The following CERT1 variants were observed in gnomAD, a reference collection of about 807,000 sequenced individuals.
CERT1 encodes the protein ceramide transfer protein.
A neutral mutation model predicts 87.9 loss-of-function variants in CERT1; 31 were observed. That is an observed-to-expected ratio of 0.35 (90% CI 0.27 to 0.48). The LOEUF (loss-of-function observed/expected upper bound fraction) is 0.48. Ranked by LOEUF, CERT1 falls within the 20% of genes least tolerant of loss-of-function variation. The pLI, the probability that CERT1 is intolerant of heterozygous loss-of-function variation, is 0.99. For synonymous variants in CERT1, 289 were observed against 250.9 expected (o/e 1.15, Z -1.44); for missense variants, 487 against 758.0 (o/e 0.64, Z 4.20).
At chr5:75,449,972 A>G (rs1375107607) in intron 3 of CERT1, among the ~76,000 whole-genome samples, 1 of 152,096 alleles carries the variant, frequency 6.6e-6, no homozygotes, top group African/African-American at 2.4e-5. Context: ...TGGTTGCATT[A>G]GTTAATATGA....
chr5:75,471,493 G>T (rs566262396), intron 2 of CERT1, among the ~76,000 whole-genome samples: 2 of 152,226 alleles, frequency 1.3e-5, no homozygotes, highest in Admixed American at 6.5e-5. Context: ...AGACGTGGTG[G>T]CTCATGCCTG....
At chr5:75,471,662 G>A (rs1247201795) in intron 2 of CERT1, among the ~76,000 whole-genome samples, 1 of 150,842 alleles carries the variant, frequency 6.6e-6, no homozygotes. Flanking sequence ...GGGAGGCTGA[G>A]GTAGAATTGC....
chr5:75,414,125 G>A (rs1276012128), intron 7 of CERT1, among the ~76,000 whole-genome samples: 1 of 152,162 alleles, frequency 6.6e-6, no homozygotes, highest in South Asian at 2.1e-4. Flanking sequence ...AAATGTTGAA[G>A]GAAAGAGAAG....
chr5:75,441,206 C>A (rs1764307227), intron 3 of CERT1, among the ~76,000 whole-genome samples: 1 of 152,092 alleles, frequency 6.6e-6, no homozygotes, highest in Admixed American at 6.6e-5. Context: ...CAAATAATTA[C>A]TATTGTGTCA....
At chr5:75,491,933 G>A (rs937320504) in intron 2 of CERT1, among the ~76,000 whole-genome samples, 2 of 152,074 alleles carry the variant, frequency 1.3e-5, no homozygotes, top group Non-Finnish European at 2.9e-5. Flanking sequence ...AACAGTTGTA[G>A]CTCTTCTTAC....
intron 2 of CERT1, among the ~76,000 whole-genome samples, chr5:75,497,928 A>G (rs1014324278): frequency 7.9e-5 from 12 of 152,154 alleles, no homozygotes; most frequent in Admixed American, 3.9e-4. Flanking sequence ...AAAATGTGGG[A>G]AAGTTTGGAA....
At chr5:75,447,024 A>G (rs2112266016) in intron 3 of CERT1, among the ~76,000 whole-genome samples, 1 of 152,336 alleles carries the variant, frequency 6.6e-6, no homozygotes, top group Admixed American at 6.5e-5. Flanking sequence ...CCTAGTATTT[A>G]GAGGACAGAA....
At chr5:75,397,366 A>T (rs1203845424) in intron 11 of CERT1, among the ~76,000 whole-genome samples, 1 of 152,244 alleles carries the variant, frequency 6.6e-6, no homozygotes. Context: ...TGAGTTTTAC[A>T]AAAGGTTATT....
In CERT1 at chr5:75,482,507, A is replaced by G. The variant is rs186932230; in HGVS notation, c.232-23326T>C. On this transcript the variant is annotated intron_variant, in intron 2 of 16. Transcript: ENST00000643780. ...ATTTGTCACCTACTGACTGACACCT[A>G]CTGGAGAGCCTTTAGGCCTTGAGTA... 1.6e-3 allele frequency among the ~76,000 whole-genome samples: 248 copies of G among 152,282 alleles called. 2 individuals carry two copies. The highest frequency in any genetic ancestry group is 5.6e-3 in the African/African-American group (234 of 41,564).
In CERT1 at chr5:75,478,314, TA is replaced by T. The variant is rs771150637; in HGVS notation, c.232-19134del. Among the ~76,000 whole-genome samples, 318 of 140,894 alleles carry T rather than the reference TA, an allele frequency of 2.3e-3. No homozygotes were observed. The East Asian group carries it at 0.028, about 12-fold the overall frequency. The allele number at this position is 140,894 out of a possible 152,430, so 92.4% of individuals were successfully genotyped here. A position where few individuals can be genotyped will look rare whatever the true frequency, so the allele number is the denominator to read the frequency against. On this transcript the variant is annotated intron_variant, in intron 2 of 16. Transcript: ENST00000643780. ...GGGTGACAGAGCAAGACTCTGCCTC[TA>T]AAAAAAAAATAAAAAAAAGAAAAGA...
chr5:75,439,515 C>T (rs1424618397), intron 3 of CERT1, among the ~76,000 whole-genome samples: 3 of 152,026 alleles, frequency 2.0e-5, no homozygotes, highest in Non-Finnish European at 4.4e-5. Context: ...GTTAATGTCA[C>T]AGTTCCTCAC....
intron 2 of CERT1, among the ~76,000 whole-genome samples, chr5:75,493,286 A>T (rs1263812987): frequency 6.6e-6 from 1 of 152,224 alleles, no homozygotes; most frequent in Non-Finnish European, 1.5e-5. Context: ...TTCCAAAGGC[A>T]TTATTCTGAA....
intron 7 of CERT1, 134 bp from the exon 8 acceptor site, chr5:75,411,237 A>G (rs1235220781): frequency 1.7e-6 from 1 of 595,404 alleles, no homozygotes; most frequent in Non-Finnish European, 2.9e-6. Flanking sequence ...CCTGTGAAAA[A>G]TAAGAGTATT....
At chr5:75,414,356 C>G (rs1395946840) in intron 7 of CERT1, among the ~76,000 whole-genome samples, 1 of 152,024 alleles carries the variant, frequency 6.6e-6, no homozygotes, top group African/African-American at 2.4e-5. Flanking sequence ...TAAAAAAAAT[C>G]AGGTAGTATA....
chr5:75,429,196 TA>T (rs1177467911), intron 3 of CERT1, among the ~76,000 whole-genome samples: 2 of 147,292 alleles, frequency 1.4e-5, no homozygotes, highest in East Asian at 3.9e-4. Flanking sequence ...ATAATAATAA[TA>T]ATTATTATTA....
At chr5:75,385,381 A>G (rs1561223487) in intron 13 of CERT1, among the ~76,000 whole-genome samples, 2 of 152,162 alleles carry the variant, frequency 1.3e-5, no homozygotes, top group Non-Finnish European at 2.9e-5. Flanking sequence ...GCTGAGGCAG[A>G]AGAATCACTT....
rs962402709 is a variant in CERT1 at position 75,388,636 on chromosome 5, A to C, written c.1284+956T>G. Among the ~76,000 whole-genome samples the C allele has an allele frequency of 4.5e-5, 5 of 110,550 alleles. 1 individual carries two copies. The highest frequency in any genetic ancestry group is 5.2e-4 in the East Asian group (2 of 3,812). 72.5% of individuals were successfully genotyped at this position (110,550 alleles called of 152,430 possible). A position where few individuals can be genotyped will look rare whatever the true frequency, so the allele number is the denominator to read the frequency against. Reference sequence around the variant, plus strand: ...TATATATATATATATATATATATATATATATCTCACACAGGGTCTCACTTT... The same window carrying C: ...TATATATATATATATATATATATATCTATATCTCACACAGGGTCTCACTTT... On this transcript the variant is annotated intron_variant, in intron 12 of 16. Coordinates refer to ENST00000643780, the MANE Select transcript of CERT1 (RefSeq NM_001379029.1).
chr5:75,432,615 T>G (rs889160855), intron 3 of CERT1, among the ~76,000 whole-genome samples: 1 of 152,246 alleles, frequency 6.6e-6, no homozygotes, highest in African/African-American at 2.4e-5. Flanking sequence ...CTTTGTTGTA[T>G]GCATAGTTGG....
At chr5:75,381,809 C>T in intron 15 of CERT1, 140 bp downstream of exon 15, 1 of 791,180 alleles carries the variant, frequency 1.3e-6, no homozygotes, top group Non-Finnish European at 2.0e-6. Flanking sequence ...TATACTGTTC[C>T]TAGCAGTCAA....
Sources: allele counts gnomAD v4.1 joint callset (sites outside exome capture counted in the v4.1 genomes callset), GRCh38; gene constraint gnomAD v4.1.1; transcripts MANE v1.5; gene names NCBI Gene and HGNC (gene_info 2026-07-23, HGNC 2026-07-21).